The following NAV2 variants were observed in gnomAD, a reference collection of about 807,000 sequenced individuals.
NAV2 encodes the protein neuron navigator 2, also known as helicase, APC down-regulated 1.
In NAV2, 54 loss-of-function variants were observed where a neutral mutation model predicts 223.2. That is an observed-to-expected ratio of 0.24 (90% CI 0.19 to 0.30). The LOEUF (loss-of-function observed/expected upper bound fraction) is 0.30. Among genes scored for constraint, NAV2 ranks in the 10% least tolerant of loss-of-function variants. NAV2 has a pLI of 1.00. For synonymous variants in NAV2, 1,279 were observed against 1,239.3 expected (o/e 1.03, Z -0.67); for missense variants, 2,806 against 3,147.5 (o/e 0.89, Z 2.60).
intron 2 of NAV2, among the ~76,000 whole-genome samples, chr11:19,833,263 A>G (rs1301558877): frequency 9.2e-5 from 14 of 152,212 alleles, no homozygotes; most frequent in Admixed American, 9.2e-4. Context: ...TCAATTGGAC[A>G]GCATTAGCCT....
intron 1 of NAV2, among the ~76,000 whole-genome samples, chr11:19,678,462 A>G (rs1249779743): frequency 6.6e-6 from 1 of 152,198 alleles, no homozygotes; most frequent in African/African-American, 2.4e-5. Flanking sequence ...GGGAGGGGTC[A>G]AGAGCTTAAC....
intron 11 of NAV2, among the ~76,000 whole-genome samples, chr11:19,990,739 C>T (rs974961737): frequency 5.9e-5 from 9 of 152,174 alleles, no homozygotes; most frequent in Non-Finnish European, 2.9e-5. Context: ...ATGGCCACCA[C>T]TATTTAAAAT....
intron 1 of NAV2, among the ~76,000 whole-genome samples, chr11:19,617,755 C>A (rs564179926): frequency 6.6e-6 from 1 of 152,254 alleles, no homozygotes; most frequent in Admixed American, 6.5e-5. Context: ...GGACTTTTCA[C>A]CTTCTCCTAC....
At chr11:19,386,961 G>T (rs916776432) in intron 1 of NAV2, among the ~76,000 whole-genome samples, 2 of 152,152 alleles carry the variant, frequency 1.3e-5, no homozygotes, top group Admixed American at 1.3e-4. Context: ...GGTGCTGGGA[G>T]CTGCTTATCA....
intron 1 of NAV2, among the ~76,000 whole-genome samples, chr11:19,801,076 T>C (rs2058222358): frequency 6.6e-6 from 1 of 152,204 alleles, no homozygotes; most frequent in African/African-American, 2.4e-5. Context: ...GAAGTAACCT[T>C]ATAGTTTATT....
chr11:19,727,470 T>C (rs1286261063), intron 1 of NAV2, among the ~76,000 whole-genome samples: 1 of 152,234 alleles, frequency 6.6e-6, no homozygotes, highest in Non-Finnish European at 1.5e-5. Flanking sequence ...GGCAGGATGC[T>C]TCCCAGGGCA....
intron 6 of NAV2, among the ~76,000 whole-genome samples, chr11:19,915,394 T>C (rs530636766): frequency 6.6e-6 from 1 of 152,342 alleles, no homozygotes; most frequent in South Asian, 2.1e-4. Flanking sequence ...TCTTTAATTA[T>C]TTGAAGACTC....
chr11:19,913,590 C>T (rs983160348), intron 6 of NAV2, among the ~76,000 whole-genome samples: 1 of 152,116 alleles, frequency 6.6e-6, no homozygotes. Context: ...TGCCCCTGCC[C>T]GGTTATAAGC....
At chr11:20,080,029 T>C in intron 24 of NAV2, 35 bp from the exon 25 acceptor site, 3 of 1,609,814 alleles carry the variant, frequency 1.9e-6, no homozygotes, top group Non-Finnish European at 2.5e-6. Context: ...GGGCTCAGGT[T>C]GGCAGCTGCT....
chr11:19,991,534 A>C (rs2051330880), intron 11 of NAV2, among the ~76,000 whole-genome samples: 1 of 152,232 alleles, frequency 6.6e-6, no homozygotes, highest in African/African-American at 2.4e-5. Context: ...GCTCATAATT[A>C]ACCCCTTTTA....
At chr11:19,604,772 G>A (rs561613992) in intron 1 of NAV2, among the ~76,000 whole-genome samples, 6 of 152,242 alleles carry the variant, frequency 3.9e-5, no homozygotes, top group South Asian at 2.1e-4. Context: ...CCCATGTGTC[G>A]TGAGAGGAAC....
chr11:19,903,077 C>T (rs1428547281), intron 6 of NAV2, among the ~76,000 whole-genome samples: 3 of 152,168 alleles, frequency 2.0e-5, no homozygotes, highest in African/African-American at 7.2e-5. Flanking sequence ...CAGTGACTCT[C>T]GCAAATAAAG....
intron 1 of NAV2, among the ~76,000 whole-genome samples, chr11:19,827,879 A>G (rs971521101): frequency 1.3e-5 from 2 of 150,112 alleles, no homozygotes; most frequent in Non-Finnish European, 3.0e-5. Flanking sequence ...CTGCGAGCCC[A>G]CGCCCAGGCC....
intron 22 of NAV2, among the ~76,000 whole-genome samples, chr11:20,073,156 AT>A (rs1471655985): frequency 4.6e-5 from 7 of 152,104 alleles, no homozygotes; most frequent in African/African-American, 1.4e-4. Context: ...GGGCTGTTGA[AT>A]TTGTCCAAGG....
chr11:19,951,756 T>A (rs967294042), intron 10 of NAV2, among the ~76,000 whole-genome samples: 1 of 152,220 alleles, frequency 6.6e-6, no homozygotes, highest in Non-Finnish European at 1.5e-5. Context: ...AACCAGAGCC[T>A]TTACCTTTGC....
intron 1 of NAV2, among the ~76,000 whole-genome samples, chr11:19,476,161 G>A (rs973254686): frequency 6.6e-6 from 1 of 152,172 alleles, no homozygotes; most frequent in Non-Finnish European, 1.5e-5. Flanking sequence ...TTTTAGTAGA[G>A]ACGGGGTTTC....
At chr11:19,705,010 C>CAAA (rs1244386651) in intron 1 of NAV2, among the ~76,000 whole-genome samples, 2 of 47,526 alleles carry the variant, frequency 4.2e-5, no homozygotes, top group African/African-American at 7.2e-5. Context: ...GACTCCGTCT[C>CAAA]AAAAAAAAAA....
intron 36 of NAV2, chr11:20,114,312 T>G: frequency 6.0e-6 from 3 of 502,192 alleles, no homozygotes; most frequent in Non-Finnish European, 1.1e-5. Context: ...GCTCAGAGTT[T>G]AGGGTCACAC....
intron 1 of NAV2, among the ~76,000 whole-genome samples, chr11:19,808,729 A>G (rs955630479): frequency 2.6e-5 from 4 of 152,216 alleles, no homozygotes; most frequent in Admixed American, 2.0e-4. Flanking sequence ...TATTGCTGGT[A>G]AAACCTGGCT....
Sources: gnomAD v4.1 joint callset for allele counts (sites outside exome capture counted in the v4.1 genomes callset) on GRCh38, gnomAD v4.1.1 for gene constraint, MANE v1.5 for transcripts, NCBI Gene and HGNC (gene_info 2026-07-23, HGNC 2026-07-21) for gene names.